The following NRG1 variants were observed in gnomAD, a reference collection of about 807,000 sequenced individuals.
NRG1 encodes neuregulin 1.
Under a neutral mutation model 63.8 loss-of-function variants are expected in NRG1, and 18 were observed. The observed-to-expected ratio is 0.28, with a 90% CI of 0.19 to 0.42. The LOEUF is 0.42. NRG1 is among the 10% of genes least tolerant of loss of function. The pLI is 1.00. For synonymous variants in NRG1, 302 were observed against 301.3 expected (o/e 1.00, Z -0.02); for missense variants, 762 against 814.7 (o/e 0.94, Z 0.79).
rs75071752 is a variant in NRG1 at position 31,741,836 on chromosome 8, T to C, written c.37+102405T>C. Among the ~76,000 whole-genome samples the C allele has an allele frequency of 4.5e-4, 69 of 152,104 alleles. 1 individual carries two copies. In the East Asian group the frequency reaches 0.013, roughly 29 times the overall value. On this transcript the variant is annotated intron_variant, in intron 1 of 10. Transcript: ENST00000519301. ...TTACAGGTTAGTAGTACCAATCCTA[T>C]ATATGCTGTCTAGAAACTTCTGTAC... is the stretch of plus-strand genomic sequence containing the variant.
rs1585627782 is a variant in NRG1 at position 31,681,512 on chromosome 8, G to A, written c.37+42081G>A. Among the ~76,000 whole-genome samples, 4 of 152,040 alleles carry A rather than the reference G, an allele frequency of 2.6e-5. No homozygotes were observed. In the East Asian group the frequency reaches 7.7e-4, roughly 29 times the overall value. ...CAGTATATTGGAGAAGCTAAAATGA[G>A]TAATAGCAAGAGCTGCAGAGGTATG... On this transcript the variant is annotated intron_variant, in intron 1 of 10. Coordinates refer to the NRG1 transcript ENST00000519301.
chr8:31,799,156 A>G (rs545850264), intron 1 of NRG1, among the ~76,000 whole-genome samples: 1 of 152,272 alleles, frequency 6.6e-6, no homozygotes, highest in South Asian at 2.1e-4. Flanking sequence ...CACTGATTTT[A>G]ACACACATTG....
intron 1 of NRG1, among the ~76,000 whole-genome samples, chr8:32,094,635 G>C (rs1829642257): frequency 6.6e-6 from 1 of 152,104 alleles, no homozygotes; most frequent in African/African-American, 2.4e-5. Context: ...GTTCTATAGT[G>C]AAACAAGTAT....
At chr8:32,246,934 A>C (rs1178894173) in intron 1 of NRG1, among the ~76,000 whole-genome samples, 1 of 152,068 alleles carries the variant, frequency 6.6e-6, no homozygotes, top group African/African-American at 2.4e-5. Flanking sequence ...AGTGTTGTAC[A>C]TTTCAAAATT....
intron 1 of NRG1, among the ~76,000 whole-genome samples, chr8:32,043,968 A>G (rs1456617331): frequency 6.6e-6 from 1 of 152,018 alleles, no homozygotes; most frequent in Non-Finnish European, 1.5e-5. Flanking sequence ...CTTGCATTAA[A>G]TGTAAATGGT....
At chr8:31,859,482 A>G (rs917957548) in intron 1 of NRG1, among the ~76,000 whole-genome samples, 2 of 152,212 alleles carry the variant, frequency 1.3e-5, no homozygotes, top group South Asian at 2.1e-4. Context: ...CCCTGAGAGT[A>G]TACCTAACAT....
intron 1 of NRG1, among the ~76,000 whole-genome samples, chr8:32,281,444 C>G (rs1440529401): frequency 1.3e-5 from 2 of 151,984 alleles, no homozygotes; most frequent in African/African-American, 4.8e-5. Flanking sequence ...TCCCAAAGTA[C>G]TTGGATTACA....
At chr8:31,838,191 A>G (rs545293230) in intron 1 of NRG1, among the ~76,000 whole-genome samples, 2 of 152,190 alleles carry the variant, frequency 1.3e-5, no homozygotes, top group South Asian at 4.1e-4. Flanking sequence ...CTCAGACATC[A>G]TTTATTAAGC....
chr8:32,523,410 G>T (rs1420060511), intron 1 of NRG1, among the ~76,000 whole-genome samples: 1 of 152,036 alleles, frequency 6.6e-6, no homozygotes, highest in African/African-American at 2.4e-5. Flanking sequence ...TAAAAACTAG[G>T]TTATTTATAT....
At chr8:32,470,053 A>G (rs1427148374) in intron 1 of NRG1, among the ~76,000 whole-genome samples, 1 of 101,508 alleles carries the variant, frequency 9.9e-6, no homozygotes, top group Non-Finnish European at 2.0e-5. Flanking sequence ...TTTTTTTTGT[A>G]GTAGAGACGG....
chr8:32,722,792 A>G (rs1820976046), intron 5 of NRG1, among the ~76,000 whole-genome samples: 1 of 152,192 alleles, frequency 6.6e-6, no homozygotes, highest in Admixed American at 6.5e-5. Context: ...CATTTATGAT[A>G]TTAATTTCTC....
chr8:32,290,643 T>A (rs1200582780), intron 1 of NRG1, among the ~76,000 whole-genome samples: 1 of 152,170 alleles, frequency 6.6e-6, no homozygotes, highest in Non-Finnish European at 1.5e-5. Context: ...CAGACCATAT[T>A]CACGATATCG....
At chr8:32,469,951 T>C (rs183857590) in intron 1 of NRG1, among the ~76,000 whole-genome samples, 338 of 150,348 alleles carry the variant, frequency 2.2e-3, no homozygotes, top group African/African-American at 7.8e-3. Flanking sequence ...TCCGTCTCCC[T>C]GGTTCAAGCG....
chr8:31,868,324 T>C (rs1034920111), intron 1 of NRG1, among the ~76,000 whole-genome samples: 2 of 152,144 alleles, frequency 1.3e-5, no homozygotes, highest in Non-Finnish European at 2.9e-5. Flanking sequence ...AGTCAACAAC[T>C]GAGGGAAACA....
intron 5 of NRG1, among the ~76,000 whole-genome samples, chr8:32,664,568 C>T (rs1349208947): frequency 6.6e-6 from 1 of 151,898 alleles, no homozygotes; most frequent in South Asian, 2.1e-4. Flanking sequence ...ATTGTCTAAT[C>T]CTCACACACA....
intron 1 of NRG1, among the ~76,000 whole-genome samples, chr8:32,219,576 G>T (rs1845599195): frequency 6.6e-6 from 1 of 152,084 alleles, no homozygotes; most frequent in Non-Finnish European, 1.5e-5. Context: ...CTATTTTCCT[G>T]CTCTGTTCAT....
intron 1 of NRG1, among the ~76,000 whole-genome samples, chr8:31,911,029 C>T (rs1832900516): frequency 6.6e-6 from 1 of 152,080 alleles, no homozygotes; most frequent in Non-Finnish European, 1.5e-5. Flanking sequence ...TTCATTGCAC[C>T]AGGAGGAATT....
chr8:31,645,564 G>T (rs922779494), intron 1 of NRG1, among the ~76,000 whole-genome samples: 2 of 152,176 alleles, frequency 1.3e-5, no homozygotes. Flanking sequence ...AGATTGACTA[G>T]TCTCTTCTTG....
At chr8:32,510,119 A>ATCATC (rs1554566660) in intron 1 of NRG1, among the ~76,000 whole-genome samples, 197 of 106,746 alleles carry the variant, frequency 1.8e-3, no homozygotes, top group African/African-American at 5.8e-3. Flanking sequence ...TAATAATAAT[A>ATCATC]ATAATAATCA....
Sources: allele counts gnomAD v4.1 joint callset (sites outside exome capture counted in the v4.1 genomes callset), GRCh38; gene constraint gnomAD v4.1.1; transcripts MANE v1.5; gene names NCBI Gene and HGNC (gene_info 2026-07-23, HGNC 2026-07-21).